Variants in DNMT3A observed in about 807,000 individuals in gnomAD.
DNMT3A encodes the protein DNA (cytosine-5)-methyltransferase 3A.
Under a neutral mutation model 117.6 loss-of-function variants are expected in DNMT3A, and 267 were observed. That is an observed-to-expected ratio of 2.27 (90% confidence interval 2.05 to 2.51). The LOEUF (loss-of-function observed/expected upper bound fraction) is 2.51. Among genes scored for constraint, DNMT3A ranks in the 30% most tolerant of loss-of-function variants. The pLI is 0.00. For synonymous variants in DNMT3A, 432 were observed against 474.8 expected (o/e 0.91, Z 1.17); for missense variants, 1,029 against 1,260.2 (o/e 0.82, Z 2.78).
intron 1 of DNMT3A, chr2:25,328,676 A>G: frequency 1.9e-6 from 1 of 524,106 alleles, no homozygotes; most frequent in East Asian, 5.6e-5. Flanking sequence ...CAGCTGCAAC[A>G]TCCCCAGCAC....
rs528033244 is a variant in DNMT3A, at chr2:25,229,486, C to A, written c.*4793G>T. The stretch of plus-strand genomic sequence containing the variant: ...GCTCTCTAGTCTCCAGCACTGAGAG[C>A]AGGCAGCGTGGAGAATACGCAATGA... On this transcript the variant is annotated 3_prime_UTR_variant, in exon 23 of 23. Coordinates refer to ENST00000321117, the MANE Select transcript of DNMT3A (RefSeq NM_022552.5). 6.6e-6 allele frequency: 1 copy of A among 152,384 alleles called. No individual in the cohort carries two copies. Among genetic ancestry groups the A allele is most frequent in the African/African-American group, 2.4e-5 (1 of 41,582 alleles). The allele number at this position is 152,384 out of a possible 1,614,324, so 9.4% of individuals were successfully genotyped here. A position where few individuals can be genotyped will look rare whatever the true frequency, so the allele number is the denominator to read the frequency against.
At chr2:25,283,577 G>A (rs940663250) in intron 3 of DNMT3A, among the ~76,000 whole-genome samples, 3 of 152,106 alleles carry the variant, frequency 2.0e-5, no homozygotes, top group Non-Finnish European at 4.4e-5. Flanking sequence ...ATAGCCTAGC[G>A]TAGCCTTCTC....
intron 3 of DNMT3A, among the ~76,000 whole-genome samples, chr2:25,291,618 ACT>A (rs2032772289): frequency 6.6e-6 from 1 of 151,964 alleles, no homozygotes; most frequent in Non-Finnish European, 1.5e-5. Flanking sequence ...GACTCTGGAA[ACT>A]CTGGTCCCAG....
At chr2:25,320,180 G>A (rs906624063) in intron 1 of DNMT3A, among the ~76,000 whole-genome samples, 3 of 152,254 alleles carry the variant, frequency 2.0e-5, no homozygotes, top group Middle Eastern at 3.4e-3. Context: ...GATTCCAACC[G>A]GAAAGTAATG....
At position 25,229,805 on chromosome 2, in the gene DNMT3A, C is replaced by G. The variant is rs1573284702; in HGVS notation, c.*4474G>C. The G allele has an allele frequency of 6.6e-6, 1 of 152,266 alleles. No homozygotes were observed. The highest frequency in any genetic ancestry group is 1.5e-5 in the Non-Finnish European group (1 of 68,048). 9.4% of individuals were successfully genotyped at this position (152,266 alleles called of 1,614,324 possible). Reference sequence around the variant, plus strand: ...ATGTACTCTATTTATATAAGCAAAACTATGAAATGAATGACTGCAGTTTTC... The same window carrying G: ...ATGTACTCTATTTATATAAGCAAAAGTATGAAATGAATGACTGCAGTTTTC... On this transcript the variant is annotated 3_prime_UTR_variant, in exon 23 of 23. Coordinates refer to ENST00000321117, the MANE Select transcript of DNMT3A (RefSeq NM_022552.5).
At chr2:25,256,593 G>A (rs1483125275) in intron 6 of DNMT3A, among the ~76,000 whole-genome samples, 2 of 152,190 alleles carry the variant, frequency 1.3e-5, no homozygotes, top group Non-Finnish European at 1.5e-5. Flanking sequence ...TACTGAATTC[G>A]ATGGCACTGA....
intron 1 of DNMT3A, among the ~76,000 whole-genome samples, chr2:25,335,329 G>C (rs2035168576): frequency 1.3e-5 from 2 of 152,224 alleles, no homozygotes; most frequent in Non-Finnish European, 2.9e-5. Flanking sequence ...AACAGGTTCT[G>C]CTCACTGGGG....
chr2:25,272,763 A>T (rs1167296500), intron 6 of DNMT3A, among the ~76,000 whole-genome samples: 3 of 151,558 alleles, frequency 2.0e-5, no homozygotes, highest in African/African-American at 7.3e-5. Flanking sequence ...AAAAGAAAAC[A>T]ATCAAGCAGC....
chr2:25,249,121 A>C (rs1379374154), intron 6 of DNMT3A, among the ~76,000 whole-genome samples: 2 of 152,194 alleles, frequency 1.3e-5, no homozygotes, highest in Non-Finnish European at 2.9e-5. Context: ...CAAGACTAGG[A>C]TCTTCAGCCA....
chr2:25,275,411 C>A, intron 5 of DNMT3A, 89 bp downstream of exon 5: 1 of 1,047,794 alleles, frequency 9.5e-7, no homozygotes, highest in Non-Finnish European at 1.4e-6. Context: ...GGAGGAGGGG[C>A]CCACCCTCCG....
intron 6 of DNMT3A, among the ~76,000 whole-genome samples, chr2:25,265,950 T>A (rs7578575): frequency 0.27 from 40,653 of 152,172 alleles, 5,574 homozygotes; most frequent in Middle Eastern, 0.38. Flanking sequence ...GGTTCAGGCT[T>A]TGCTGTGGCC....
Position 25,240,386 on chromosome 2 carries a change from T to TTTGG in DNMT3A, c.2237_2238insCCAA (p.Asp747GlnfsTer3). The TTTGG allele has an allele frequency of 6.2e-7, 1 of 1,613,926 alleles. No individual in the cohort carries two copies. The highest frequency in any genetic ancestry group is 8.5e-7 in the Non-Finnish European group (1 of 1,179,952). On this transcript the variant is annotated frameshift_variant, in exon 19 of 23. Transcript: ENST00000321117. LOFTEE classifies it high-confidence loss of function. ...AGAGCCAGAAGAAGGGGCGATCATC[T>TTTGG]CCCTCCTTGGGCCGCGCATCATGCA... is the stretch of plus-strand genomic sequence containing the variant.
intron 6 of DNMT3A, among the ~76,000 whole-genome samples, chr2:25,265,557 G>A (rs1218575360): frequency 6.6e-6 from 1 of 152,200 alleles, no homozygotes; most frequent in Non-Finnish European, 1.5e-5. Flanking sequence ...GGTGGCTCAT[G>A]CCTGTAATCC....
intron 3 of DNMT3A, among the ~76,000 whole-genome samples, chr2:25,299,866 G>A (rs1049552948): frequency 2.0e-5 from 3 of 152,312 alleles, no homozygotes; most frequent in East Asian, 1.9e-4. Flanking sequence ...AGGAGGTGGA[G>A]GTTGCAGTAA....
intron 1 of DNMT3A, 133 bp downstream of exon 1, chr2:25,341,693 G>C: frequency 1.6e-6 from 1 of 633,510 alleles, no homozygotes; most frequent in Non-Finnish European, 1.9e-6. Context: ...ACGGGCGCCC[G>C]GCGCCGAGTT....
intron 3 of DNMT3A, among the ~76,000 whole-genome samples, chr2:25,290,905 C>T (rs748228232): frequency 1.3e-5 from 2 of 152,184 alleles, no homozygotes; most frequent in African/African-American, 2.4e-5. Context: ...GATGCAGGGG[C>T]GACCTCACCT....
chr2:25,272,376 CT>C (rs1262156674), intron 6 of DNMT3A, among the ~76,000 whole-genome samples: 1 of 152,152 alleles, frequency 6.6e-6, no homozygotes. Flanking sequence ...GGAAAGAACC[CT>C]TTTTTTCACT....
intron 6 of DNMT3A, among the ~76,000 whole-genome samples, chr2:25,259,775 G>A (rs913075826): frequency 2.0e-5 from 3 of 152,062 alleles, no homozygotes; most frequent in South Asian, 2.1e-4. Flanking sequence ...TAAAGGAGCC[G>A]CATTCAGATT....
In DNMT3A at chr2:25,279,910, C is replaced by T. The variant is rs148658138; in HGVS notation, c.448+2531G>A. Among the ~76,000 whole-genome samples the T allele has an allele frequency of 1.9e-3, 290 of 152,164 alleles. 2 individuals are homozygous for T. Among genetic ancestry groups the T allele is most frequent in the African/African-American group, 6.7e-3 (277 of 41,508 alleles). ...TTCACTGTGTTGGCCCGGCTGGTCT[C>T]GAACTCCTGACCTCAAGTCATCTGC... On this transcript the variant is annotated intron_variant, in intron 4 of 22. Transcript: ENST00000321117.
Sources: allele counts gnomAD v4.1 joint callset (sites outside exome capture counted in the v4.1 genomes callset), GRCh38; gene constraint gnomAD v4.1.1; transcripts MANE v1.5; gene names NCBI Gene and HGNC (gene_info 2026-07-23, HGNC 2026-07-21).